The following SPAG17 variants were observed in gnomAD, a reference collection of about 807,000 sequenced individuals.
SPAG17 encodes sperm associated antigen 17.
In SPAG17, 169 loss-of-function variants were observed where a neutral mutation model predicts 273.6. That is an observed-to-expected ratio of 0.62 (90% CI 0.55 to 0.70). SPAG17 has a LOEUF of 0.70. Among genes scored for constraint, SPAG17 ranks in the 30% least tolerant of loss-of-function variants. The pLI is 0.00. For synonymous variants in SPAG17, 825 were observed against 873.2 expected, an observed-to-expected ratio of 0.94 and a Z score of 0.97; for missense variants, 2,557 against 2,627.8, an observed-to-expected ratio of 0.97 and a Z score of 0.59.
intron 1 of SPAG17, among the ~76,000 whole-genome samples, chr1:118,168,709 C>T (rs1035590443): frequency 1.3e-5 from 2 of 152,094 alleles, no homozygotes; most frequent in Non-Finnish European, 2.9e-5. Flanking sequence ...TGGGCAACAA[C>T]TAAAGGAGAT....
intron 30 of SPAG17, among the ~76,000 whole-genome samples, chr1:118,009,527 T>C (rs1445955726): frequency 1.3e-5 from 2 of 152,174 alleles, no homozygotes; most frequent in African/African-American, 4.8e-5. Context: ...GTTTCCTTTT[T>C]TCTGATGCCA....
chr1:118,177,094 T>G (rs1267068350), intron 1 of SPAG17, among the ~76,000 whole-genome samples: 1 of 152,192 alleles, frequency 6.6e-6, no homozygotes, highest in South Asian at 2.1e-4. Flanking sequence ...ATCCATAAAG[T>G]AGAAAGACTT....
rs146298639 is a variant in SPAG17 at position 118,160,772 on chromosome 1, T to C, written c.88-9403A>G. ...ATATCCCTAATATCTGAAAGCAGGA[T>C]GTGTCTGACCATGTGTTCTGATTTT... On this transcript the variant is annotated intron_variant, in intron 1 of 48. Coordinates refer to ENST00000336338, the MANE Select transcript of SPAG17 (RefSeq NM_206996.4). Among the ~76,000 whole-genome samples, 652 of 152,328 alleles carry C rather than the reference T, an allele frequency of 4.3e-3. 7 individuals carry two copies. The highest frequency in any genetic ancestry group is 0.015 in the African/African-American group (623 of 41,564).
chr1:118,074,929 T>C (rs1653952142), intron 15 of SPAG17, among the ~76,000 whole-genome samples: 1 of 152,254 alleles, frequency 6.6e-6, no homozygotes, highest in Admixed American at 6.5e-5. Flanking sequence ...ATTTACTGAT[T>C]AAATCAACTT....
chr1:118,121,693 CA>C (rs1354456186), intron 3 of SPAG17, among the ~76,000 whole-genome samples: 3 of 152,136 alleles, frequency 2.0e-5, no homozygotes, highest in Non-Finnish European at 4.4e-5. Flanking sequence ...CCCCTGGTGC[CA>C]AAAAGGTTGG....
intron 3 of SPAG17, among the ~76,000 whole-genome samples, chr1:118,145,252 CTATTA>C (rs1658908890): frequency 6.6e-6 from 1 of 152,122 alleles, no homozygotes; most frequent in South Asian, 2.1e-4. Context: ...GCTTACAATT[CTATTA>C]AATTGACTAT....
At chr1:118,022,588 G>A (rs1647234777) in intron 28 of SPAG17, among the ~76,000 whole-genome samples, 1 of 152,194 alleles carries the variant, frequency 6.6e-6, no homozygotes, top group African/African-American at 2.4e-5. Context: ...ACATTTTCAT[G>A]TGGTAGTGGT....
intron 3 of SPAG17, among the ~76,000 whole-genome samples, chr1:118,123,927 T>C (rs554609160): frequency 1.3e-5 from 2 of 152,320 alleles, no homozygotes; most frequent in African/African-American, 4.8e-5. Flanking sequence ...TAAAATGTAA[T>C]GAATTTCCTA....
rs372817448 is a variant in SPAG17, at chr1:118,129,700, CTTCT to C, written c.316-14263_316-14260del. Among the ~76,000 whole-genome samples, 59 of 151,120 alleles carry C rather than the reference CTTCT, an allele frequency of 3.9e-4. No homozygotes were observed. The South Asian group carries it at 8.6e-3, about 22-fold the overall frequency. ...TCTACCTTCTTCTTCTTCCTCTTCCCTTCTTTCTTTCTTTTCTTTCTTTCCCTTT... is the reference window on the plus strand; with the variant it reads ...TCTACCTTCTTCTTCTTCCTCTTCCCTTCTTTCTTTTCTTTCTTTCCCTTT... On this transcript the variant is annotated intron_variant, in intron 3 of 48. Transcript: ENST00000336338.
intron 3 of SPAG17, among the ~76,000 whole-genome samples, chr1:118,116,912 T>G (rs1425283254): frequency 6.6e-6 from 1 of 152,204 alleles, no homozygotes; most frequent in African/African-American, 2.4e-5. Flanking sequence ...ATGATGGCTG[T>G]GATTTTTGGG....
intron 32 of SPAG17, among the ~76,000 whole-genome samples, chr1:117,998,683 A>G (rs1657931177): frequency 6.6e-6 from 1 of 152,120 alleles, no homozygotes; most frequent in Admixed American, 6.6e-5. Context: ...GTTCCTATCC[A>G]TGATCATGGA....
At chr1:118,061,279 G>A (rs1652263124) in intron 18 of SPAG17, among the ~76,000 whole-genome samples, 1 of 152,104 alleles carries the variant, frequency 6.6e-6, no homozygotes. Flanking sequence ...GTTTTCCACA[G>A]TAGCCAAGAT....
chr1:118,025,837 C>T (rs1442736128), intron 26 of SPAG17, among the ~76,000 whole-genome samples: 3 of 152,098 alleles, frequency 2.0e-5, no homozygotes, highest in East Asian at 1.9e-4. Flanking sequence ...GGGCAGTTTC[C>T]ATGTTATGAC....
chr1:117,953,920 C>A lies in SPAG17; in HGVS notation c.*130G>T. The stretch of plus-strand genomic sequence containing the variant: ...AACAGATTGAAGCTATTTCATTTGG[C>A]AAATTTCTGGTCAGTTCTTCCAGTT... On this transcript the variant is annotated 3_prime_UTR_variant, in exon 49 of 49. Coordinates refer to ENST00000336338, the MANE Select transcript of SPAG17 (RefSeq NM_206996.4). The A allele has an allele frequency of 8.8e-7, 1 of 1,142,784 alleles. No individual in the cohort carries two copies. Among genetic ancestry groups the A allele is most frequent in the Non-Finnish European group, 1.3e-6 (1 of 795,686 alleles). The allele number at this position is 1,142,784 out of a possible 1,614,324, so 70.8% of individuals were successfully genotyped here. A position where few individuals can be genotyped will look rare whatever the true frequency, so the allele number is the denominator to read the frequency against.
chr1:118,067,328 T>C (rs1370286849), intron 17 of SPAG17, among the ~76,000 whole-genome samples: 1 of 152,180 alleles, frequency 6.6e-6, no homozygotes, highest in Non-Finnish European at 1.5e-5. Flanking sequence ...CCTTAACTGC[T>C]AGTGTGATGG....
At chr1:117,991,650 C>A in intron 36 of SPAG17, 122 bp from the exon 37 acceptor site, 2 of 549,248 alleles carry the variant, frequency 3.6e-6, no homozygotes, top group East Asian at 6.4e-5. Flanking sequence ...CAGTGCTCAA[C>A]AACTGTTTAC....
intron 1 of SPAG17, among the ~76,000 whole-genome samples, chr1:118,177,158 A>T (rs1055730968): frequency 1.3e-5 from 2 of 152,186 alleles, no homozygotes; most frequent in African/African-American, 4.8e-5. Context: ...ACTATGAAGA[A>T]ATACTCAAGA....
chr1:117,990,633 A>G (rs111667340), intron 38 of SPAG17, among the ~76,000 whole-genome samples: 11 of 152,348 alleles, frequency 7.2e-5, no homozygotes, highest in African/African-American at 2.6e-4. Flanking sequence ...AAAGTTAAAG[A>G]TGAATGAGAG....
At position 118,176,703 on chromosome 1, in the gene SPAG17, T is replaced by A. The variant is rs535989442; in HGVS notation, c.87+8368A>T. On this transcript the variant is annotated intron_variant, in intron 1 of 48. Transcript: ENST00000336338. ...AAATACACACTATACCAAATAGGCC[T>A]AACTGATATTTACACAACATTTCAC... Among the ~76,000 whole-genome samples the A allele has an allele frequency of 6.6e-5, 10 of 152,306 alleles. No individual in the cohort carries two copies. In the South Asian group the frequency reaches 2.1e-3, roughly 32 times the overall value.
Sources: allele counts gnomAD v4.1 joint callset (sites outside exome capture counted in the v4.1 genomes callset), GRCh38; gene constraint gnomAD v4.1.1; transcripts MANE v1.5; gene names NCBI Gene and HGNC (gene_info 2026-07-23, HGNC 2026-07-21).